LRMDA: variants seen among roughly 807,000 people sequenced by gnomAD.
LRMDA encodes the protein leucine rich melanocyte differentiation associated, also known as leucine-rich melanocyte differentiation-associated protein.
In LRMDA, 18 loss-of-function variants were observed where a neutral mutation model predicts 29.8. The observed-to-expected ratio is 0.60, with a 90% CI of 0.42 to 0.90. LRMDA has a LOEUF of 0.90. LRMDA is among the 40% of genes least tolerant of loss of function. The pLI is 0.00. For missense variants in LRMDA, 273 were observed against 273.9 expected (o/e 1.00, Z 0.02); for synonymous variants, 125 against 109.4 (o/e 1.14, Z -0.89).
intron 2 of LRMDA, among the ~76,000 whole-genome samples, chr10:75,722,654 A>G (rs1321187401): frequency 1.3e-5 from 2 of 152,194 alleles, no homozygotes; most frequent in African/African-American, 4.8e-5. Context: ...TGTTTAGTAT[A>G]TGGCGGATCT....
At chr10:76,033,305 A>G (rs1848182420) in intron 2 of LRMDA, among the ~76,000 whole-genome samples, 1 of 152,182 alleles carries the variant, frequency 6.6e-6, no homozygotes, top group African/African-American at 2.4e-5. Flanking sequence ...CCCATGTAAT[A>G]TGGTTCTCTT....
chr10:76,555,505 T>C (rs1357003099), intron 6 of LRMDA, among the ~76,000 whole-genome samples: 1 of 152,130 alleles, frequency 6.6e-6, no homozygotes, highest in African/African-American at 2.4e-5. Flanking sequence ...CGTGGAACAA[T>C]GTCACCCTCT....
chr10:76,501,585 A>C (rs1842909942), intron 6 of LRMDA, among the ~76,000 whole-genome samples: 1 of 151,834 alleles, frequency 6.6e-6, no homozygotes, highest in Non-Finnish European at 1.5e-5. Context: ...ATGGTTTTCC[A>C]TTGTGGTTTT....
intron 5 of LRMDA, among the ~76,000 whole-genome samples, chr10:76,146,941 A>G (rs934050499): frequency 2.0e-5 from 3 of 152,130 alleles, no homozygotes; most frequent in Non-Finnish European, 4.4e-5. Context: ...TCCTTCACTT[A>G]TGAAGCTTAG....
At chr10:75,548,615 G>T (rs1446263678) in intron 2 of LRMDA, among the ~76,000 whole-genome samples, 2 of 152,078 alleles carry the variant, frequency 1.3e-5, no homozygotes, top group African/African-American at 4.8e-5. Context: ...TGAACTCTCT[G>T]CATTCTTAAG....
At chr10:75,856,189 A>C (rs1355061737) in intron 2 of LRMDA, among the ~76,000 whole-genome samples, 4 of 152,066 alleles carry the variant, frequency 2.6e-5, no homozygotes, top group African/African-American at 9.7e-5. Context: ...GATTCTTCCT[A>C]CCCATGAGCA....
At chr10:76,148,267 G>A (rs1564666945) in intron 5 of LRMDA, among the ~76,000 whole-genome samples, 1 of 152,184 alleles carries the variant, frequency 6.6e-6, no homozygotes, top group Non-Finnish European at 1.5e-5. Context: ...TTGTTTGTCT[G>A]TGCCCTGCCC....
intron 5 of LRMDA, among the ~76,000 whole-genome samples, chr10:76,154,805 C>T (rs1026514622): frequency 6.6e-6 from 1 of 152,204 alleles, no homozygotes; most frequent in Admixed American, 6.5e-5. Context: ...TGTGCAGTGG[C>T]TCCATTGTGG....
chr10:75,918,350 T>A (rs1314817764), intron 2 of LRMDA, among the ~76,000 whole-genome samples: 1 of 152,100 alleles, frequency 6.6e-6, no homozygotes, highest in Admixed American at 6.5e-5. Context: ...ACAGGAAGCA[T>A]AGCAGCATCT....
intron 2 of LRMDA, among the ~76,000 whole-genome samples, chr10:75,765,667 A>G (rs933614958): frequency 2.0e-5 from 3 of 152,114 alleles, no homozygotes; most frequent in Non-Finnish European, 4.4e-5. Context: ...CTATATGAGC[A>G]AACCTCATTT....
At chr10:76,390,116 A>G (rs1841705636) in intron 6 of LRMDA, among the ~76,000 whole-genome samples, 1 of 152,198 alleles carries the variant, frequency 6.6e-6, no homozygotes, top group South Asian at 2.1e-4. Flanking sequence ...AACAATGCAC[A>G]TGATTCCAAT....
intron 5 of LRMDA, among the ~76,000 whole-genome samples, chr10:76,092,313 G>A (rs1167852606): frequency 6.6e-6 from 1 of 152,202 alleles, no homozygotes; most frequent in Non-Finnish European, 1.5e-5. Flanking sequence ...TGCAGGATCT[G>A]CTTAGCACAG....
At chr10:75,797,868 A>G (rs959382379) in intron 2 of LRMDA, among the ~76,000 whole-genome samples, 22 of 152,212 alleles carry the variant, frequency 1.4e-4, no homozygotes, top group African/African-American at 5.1e-4. Context: ...TCATTTGGAT[A>G]CATACCTTTG....
chr10:76,419,500 G>T (rs775907053), intron 6 of LRMDA, among the ~76,000 whole-genome samples: 15 of 151,922 alleles, frequency 9.9e-5, no homozygotes, highest in Non-Finnish European at 2.1e-4. Flanking sequence ...CTTCAATTTT[G>T]ACAATTGTTT....
At chr10:75,738,933 C>T (rs566657599) in intron 2 of LRMDA, among the ~76,000 whole-genome samples, 2 of 152,170 alleles carry the variant, frequency 1.3e-5, no homozygotes, top group East Asian at 1.9e-4. Context: ...ACATTTTTCT[C>T]GTTCACAAGT....
chr10:76,004,769 C>T (rs574060128), intron 2 of LRMDA, among the ~76,000 whole-genome samples: 1 of 150,690 alleles, frequency 6.6e-6, no homozygotes, highest in South Asian at 2.1e-4. Context: ...ACTCTGTGGC[C>T]CAGGCTAGAG....
intron 2 of LRMDA, among the ~76,000 whole-genome samples, chr10:75,985,127 T>C (rs1420806589): frequency 6.6e-6 from 1 of 152,138 alleles, no homozygotes; most frequent in African/African-American, 2.4e-5. Flanking sequence ...TTCTCATATT[T>C]ATTTTTTTCT....
At chr10:75,897,259 T>C (rs536518651) in intron 2 of LRMDA, among the ~76,000 whole-genome samples, 1 of 152,336 alleles carries the variant, frequency 6.6e-6, no homozygotes, top group South Asian at 2.1e-4. Context: ...ATTCTTTTCC[T>C]AGAACCAAAG....
At chr10:76,005,623 A>G (rs746605325) in intron 2 of LRMDA, among the ~76,000 whole-genome samples, 5 of 151,026 alleles carry the variant, frequency 3.3e-5, no homozygotes, top group Non-Finnish European at 7.4e-5. Flanking sequence ...ATAAATAAGT[A>G]AATACCTAAA....
Sources: gnomAD v4.1 joint callset for allele counts (sites outside exome capture counted in the v4.1 genomes callset) on GRCh38, gnomAD v4.1.1 for gene constraint, MANE v1.5 for transcripts, NCBI Gene and HGNC (gene_info 2026-07-23, HGNC 2026-07-21) for gene names.